HTR2C: variants seen among roughly 807,000 people sequenced by gnomAD.
HTR2C encodes 5-hydroxytryptamine (serotonin) receptor 2C, G protein-coupled.
Under a neutral mutation model 21.0 loss-of-function variants are expected in HTR2C, and 5 were observed. The ratio of observed to expected loss-of-function variants is 0.24; its 90% CI spans 0.12 to 0.50. The LOEUF (loss-of-function observed/expected upper bound fraction) is 0.50. Among genes scored for constraint, HTR2C ranks in the 20% least tolerant of loss-of-function variants. HTR2C has a pLI of 0.98. For missense variants in HTR2C, 271 were observed against 371.2 expected, an observed-to-expected ratio of 0.73 and a Z score of 2.22; for synonymous variants, 150 against 145.3, an observed-to-expected ratio of 1.03 and a Z score of -0.23.
intron 1 of HTR2C, among the ~76,000 whole-genome samples, chrX:114,610,865 A>G (rs1556398423): frequency 8.9e-6 from 1 of 111,780 alleles, no homozygotes; most frequent in African/African-American, 3.3e-5. Context: ...AATATAAAGA[A>G]TGTCGTGATC....
At chrX:114,604,916 C>A (rs201085633) in intron 1 of HTR2C, among the ~76,000 whole-genome samples, 1 of 110,447 alleles carries the variant, frequency 9.1e-6, no homozygotes, top group African/African-American at 3.3e-5. Flanking sequence ...ACCTTGAAGG[C>A]GAGGTTAATT....
intron 4 of HTR2C, among the ~76,000 whole-genome samples, chrX:114,803,228 G>C (rs2147429959): frequency 1.2e-5 from 1 of 80,408 alleles, no homozygotes; most frequent in Admixed American, 1.7e-4. Context: ...ATGATTTATA[G>C]TCCTTTGGGT....
chrX:114,609,305 A>T (rs934129850), intron 1 of HTR2C, among the ~76,000 whole-genome samples: 8 of 111,985 alleles, frequency 7.1e-5, no homozygotes. Flanking sequence ...ATTTCATAAT[A>T]CCTAATAAAA....
intron 2 of HTR2C, among the ~76,000 whole-genome samples, chrX:114,672,191 T>C (rs2147849347): frequency 8.9e-6 from 1 of 111,847 alleles, no homozygotes; most frequent in Admixed American, 9.5e-5. Context: ...ATCTGAAATG[T>C]GGTGTATAAT....
rs200147083 is a variant in HTR2C at position 114,909,580 on chromosome X, T to C, written c.*2165T>C. On this transcript the variant is annotated 3_prime_UTR_variant, in exon 6 of 6. Coordinates refer to ENST00000276198, the MANE Select transcript of HTR2C (RefSeq NM_000868.4). ...AAAGAAACAAAATATAAATCACAGA[T>C]TTCCAAAAGTACTAGCAATAAGTTG... 5 of 112,368 alleles carry C rather than the reference T, an allele frequency of 4.4e-5. No individual in the cohort carries two copies. Among genetic ancestry groups the C allele is most frequent in the Non-Finnish European group, 9.4e-5 (5 of 53,208 alleles). The allele number at this position is 112,368 out of a possible 1,213,427, so 9.3% of individuals were successfully genotyped here. A position where few individuals can be genotyped will look rare whatever the true frequency, so the allele number is the denominator to read the frequency against.
intron 5 of HTR2C, among the ~76,000 whole-genome samples, chrX:114,864,474 G>T (rs1556473969): frequency 9.0e-6 from 1 of 111,243 alleles, no homozygotes; most frequent in Admixed American, 9.6e-5. Context: ...TTGTTATATT[G>T]TGAGTTCCTT....
intron 5 of HTR2C, among the ~76,000 whole-genome samples, chrX:114,891,049 A>G (rs1212528716): frequency 2.7e-5 from 3 of 110,922 alleles, no homozygotes; most frequent in Admixed American, 9.7e-5. Flanking sequence ...TGATTCTTCT[A>G]GCCTTCGAAA....
At chrX:114,776,601 CTTGA>C in intron 4 of HTR2C, 1 of 522,076 alleles carries the variant, frequency 1.9e-6, no homozygotes, top group Non-Finnish European at 3.5e-6. Flanking sequence ...TTCATTGCAG[CTTGA>C]TTCTTTGCGG....
chrX:114,873,098 C>G lies in HTR2C; in HGVS notation c.550+24895C>G, dbSNP rs1454507942. 4.5e-5 allele frequency among the ~76,000 whole-genome samples: 5 copies of G among 111,511 alleles called. No homozygotes were observed. The East Asian group carries it at 1.4e-3, about 31-fold the overall frequency. On this transcript the variant is annotated intron_variant, in intron 5 of 5. Coordinates refer to ENST00000276198, the MANE Select transcript of HTR2C (RefSeq NM_000868.4). ...GTGATATGATGTTTTACTTTAATCT[C>G]TTTTTGTCTTCATAATCAAAGTGGG... is the stretch of plus-strand genomic sequence containing the variant.
chrX:114,870,571 CT>C (rs782190647), intron 5 of HTR2C, among the ~76,000 whole-genome samples: 1 of 110,576 alleles, frequency 9.0e-6, no homozygotes, highest in Non-Finnish European at 1.9e-5. Context: ...TACTGGGAGA[CT>C]TTTTTTTATC....
At chrX:114,610,259 A>C (rs782150961) in intron 1 of HTR2C, among the ~76,000 whole-genome samples, 24 of 111,968 alleles carry the variant, frequency 2.1e-4, no homozygotes, top group African/African-American at 7.1e-4. Context: ...TAATGTGGGC[A>C]TTTCTTTGAT....
intron 4 of HTR2C, among the ~76,000 whole-genome samples, chrX:114,796,332 A>G (rs2070292878): frequency 8.9e-6 from 1 of 111,846 alleles, no homozygotes; most frequent in African/African-American, 3.2e-5. Context: ...ATAAATTTGC[A>G]GAAGCTCAGG....
At chrX:114,656,100 T>C (rs1556409220) in intron 2 of HTR2C, among the ~76,000 whole-genome samples, 1 of 111,009 alleles carries the variant, frequency 9.0e-6, no homozygotes, top group African/African-American at 3.3e-5. Flanking sequence ...TGTCAATTAA[T>C]TGATGGCTCA....
At chrX:114,895,769 C>T (rs1260209041) in intron 5 of HTR2C, among the ~76,000 whole-genome samples, 3 of 111,351 alleles carry the variant, frequency 2.7e-5, no homozygotes, top group Non-Finnish European at 3.8e-5. Context: ...GGGCGGATCA[C>T]ATGAGGTCAG....
intron 1 of HTR2C, among the ~76,000 whole-genome samples, chrX:114,604,084 G>A (rs1382306623): frequency 9.2e-6 from 1 of 108,140 alleles, no homozygotes; most frequent in Non-Finnish European, 1.9e-5. Context: ...GTTTTAATGA[G>A]ATGGTAAGGG....
intron 1 of HTR2C, among the ~76,000 whole-genome samples, chrX:114,613,245 G>T (rs183364119): frequency 9.0e-6 from 1 of 111,593 alleles, no homozygotes; most frequent in Non-Finnish European, 1.9e-5. Context: ...TGCCCTGGTT[G>T]CCCATTTTTA....
At chrX:114,636,844 G>A (rs1929859670) in intron 2 of HTR2C, among the ~76,000 whole-genome samples, 2 of 112,105 alleles carry the variant, frequency 1.8e-5, no homozygotes, top group East Asian at 2.8e-4. Context: ...TATAATAAAT[G>A]TTTGATCATA....
intron 4 of HTR2C, chrX:114,763,185 C>T (rs1424582408): frequency 4.8e-5 from 6 of 125,541 alleles, no homozygotes; most frequent in East Asian, 2.8e-4. Flanking sequence ...ATCATTTGCT[C>T]GGCATCTGCT....
chrX:114,864,404 C>T (rs782805925), intron 5 of HTR2C, among the ~76,000 whole-genome samples: 1 of 111,521 alleles, frequency 9.0e-6, no homozygotes, highest in Non-Finnish European at 1.9e-5. Context: ...CACATACAAA[C>T]ACTCTAGGCT....
Sources: gnomAD v4.1 joint callset for allele counts (sites outside exome capture counted in the v4.1 genomes callset) on GRCh38, gnomAD v4.1.1 for gene constraint, MANE v1.5 for transcripts, NCBI Gene and HGNC (gene_info 2026-07-23, HGNC 2026-07-21) for gene names.